Variants in NPHP3 observed in about 807,000 individuals in gnomAD.
NPHP3 encodes the protein nephrocystin-3.
In NPHP3, 123 loss-of-function variants were observed where a neutral mutation model predicts 171.9. That is an observed-to-expected ratio of 0.72 (90% CI 0.62 to 0.83). NPHP3 has a LOEUF of 0.83. NPHP3 is among the 40% of genes least tolerant of loss of function. The pLI, the probability that NPHP3 is intolerant of heterozygous loss-of-function variation, is 0.00. For missense variants in NPHP3, 1,506 were observed against 1,591.9 expected, an observed-to-expected ratio of 0.95 and a Z score of 0.92; for synonymous variants, 558 against 579.2, an observed-to-expected ratio of 0.96 and a Z score of 0.52.
intron 13 of NPHP3, among the ~76,000 whole-genome samples, chr3:132,698,651 G>A (rs760564573): frequency 3.9e-5 from 6 of 151,964 alleles, no homozygotes; most frequent in Admixed American, 2.0e-4. Context: ...TTCCCAGCCC[G>A]GCCCTTTCTC....
intron 7 of NPHP3, among the ~76,000 whole-genome samples, chr3:132,706,243 C>A (rs1253206039): frequency 1.3e-5 from 2 of 151,664 alleles, no homozygotes; most frequent in East Asian, 1.9e-4. Flanking sequence ...CCTGTAGTGC[C>A]AGCTACTCAG....
chr3:132,701,577 C>CT, intron 9 of NPHP3, 44 bp from the exon 10 acceptor site: 1 of 1,176,150 alleles, frequency 8.5e-7, no homozygotes, highest in Non-Finnish European at 1.3e-6. Flanking sequence ...GCACATGCCT[C>CT]TGAGACTACT....
intron 14 of NPHP3, 36 bp downstream of exon 14, chr3:132,697,223 GA>G: frequency 7.8e-7 from 1 of 1,288,136 alleles, no homozygotes; most frequent in Admixed American, 1.7e-5. Context: ...GGAAAGATGA[GA>G]GAGTAAAAGA....
At position 132,686,356 on chromosome 3, in the gene NPHP3, A is replaced by G; in HGVS notation, c.3233T>C (p.Leu1078Ser). The G allele has an allele frequency of 6.2e-7, 1 of 1,614,130 alleles. No homozygotes were observed. The highest frequency in any genetic ancestry group is 8.5e-7 in the Non-Finnish European group (1 of 1,179,966). ...YGFALLRRRA[L>S]QLEELTLGKD... ...ACCTAATGTAAGCTCTTCTAACTGTAAAGCCCGTCTACGTAAAAGGGCAAA... is the reference window on the plus strand; with the variant it reads ...ACCTAATGTAAGCTCTTCTAACTGTGAAGCCCGTCTACGTAAAAGGGCAAA... Residue 1078 changes from leucine to serine, a missense_variant, in exon 23 of 27, where the codon TTA becomes TCA. Physicochemically the swap from Leu to Ser is moderately radical, Grantham distance 145 (BLOSUM62 -2). Around this residue, in one of 3 missense-constraint regions of NPHP3, gnomAD observed 569 missense variants for 648.1 expected, o/e 0.88. Coordinates refer to ENST00000337331, the MANE Select transcript of NPHP3 (RefSeq NM_153240.5).
intron 16 of NPHP3, among the ~76,000 whole-genome samples, chr3:132,694,590 G>C (rs1309886856): frequency 1.3e-5 from 2 of 151,882 alleles, no homozygotes; most frequent in Non-Finnish European, 2.9e-5. Context: ...TTAAAAAATG[G>C]GTAAAGACCT....
intron 1 of NPHP3, 26 bp downstream of exon 1, chr3:132,721,937 G>C (rs773074196): frequency 3.1e-6 from 5 of 1,609,874 alleles, no homozygotes; most frequent in East Asian, 2.2e-5. Flanking sequence ...AGGGTCTCCC[G>C]GCGTCGCGGC....
intron 5 of NPHP3, 45 bp downstream of exon 5, chr3:132,715,040 C>T (rs368569631): frequency 6.8e-7 from 1 of 1,471,034 alleles, no homozygotes; most frequent in African/African-American, 1.4e-5. Context: ...ATAATATTAA[C>T]TTATATTTTA....
chr3:132,702,605 T>C (rs1036130186), intron 9 of NPHP3, among the ~76,000 whole-genome samples: 1 of 152,182 alleles, frequency 6.6e-6, no homozygotes, highest in African/African-American at 2.4e-5. Context: ...TTTAAAAAAG[T>C]GTATAGTAAG....
chr3:132,719,774 C>T lies in NPHP3; in HGVS notation c.450G>A (p.Ala150=), dbSNP rs78527322. The T allele has an allele frequency of 2.5e-3, 3,953 of 1,602,544 alleles. 48 individuals carry two copies. In the African/African-American group the frequency reaches 0.029, roughly 12 times the overall value. The stretch of plus-strand genomic sequence containing the variant: ...CTGCTCTCTCCATTGCTTGGTATTT[C>T]GCTTCTAAAGCACTTTCTTTTTCTC... ...ILREKESALE[A]KYQAMERAAT... Residue 150 remains alanine, a synonymous_variant, in exon 2 of 27, where the codon GCG becomes GCA. Coordinates refer to ENST00000337331, the MANE Select transcript of NPHP3 (RefSeq NM_153240.5).
chr3:132,684,939 C>T (rs1939118136), intron 23 of NPHP3, 145 bp from the exon 24 acceptor site: 2 of 961,582 alleles, frequency 2.1e-6, no homozygotes, highest in Non-Finnish European at 3.1e-6. Flanking sequence ...TTACTTTCCC[C>T]CTCTTCCCCA....
intron 3 of NPHP3, among the ~76,000 whole-genome samples, chr3:132,717,668 AGT>A (rs1940090186): frequency 3.3e-5 from 5 of 151,818 alleles, no homozygotes; most frequent in Admixed American, 2.0e-4. Context: ...TGTACATTTG[AGT>A]ATGTCAATAC....
Position 132,722,186 on chromosome 3 carries a change from G to A in NPHP3, c.170C>T (p.Pro57Leu), listed in dbSNP as rs376930006. The change falls in exon 1 of 27, where the codon CCC becomes CTC. Residue 57 changes from proline to leucine, a missense_variant. Pro to Leu is a moderately conservative substitution (Grantham distance 98). Transcript: ENST00000337331. ...GCCCACCCCGCGGGGCAGCGACCCG[G>A]GCCCGGCCCCTGCTGCCGCCCCCGC... ...RGAGAAAGAG[P>L]GSLPRGVGAG... 5.7e-5 allele frequency: 87 copies of A among 1,520,440 alleles called. No individual in the cohort carries two copies. Among genetic ancestry groups the A allele is most frequent in the Non-Finnish European group, 7.5e-5 (86 of 1,143,012 alleles). 94.2% of individuals were successfully genotyped at this position (1,520,440 alleles called of 1,614,324 possible).
intron 1 of NPHP3, among the ~76,000 whole-genome samples, chr3:132,721,238 G>A (rs187415865): frequency 2.2e-4 from 33 of 152,192 alleles, no homozygotes; most frequent in Non-Finnish European, 4.1e-4. Flanking sequence ...CTATTTTATT[G>A]AATTATAATG....
chr3:132,699,853 C>G, intron 12 of NPHP3, 65 bp downstream of exon 12: 6 of 1,514,726 alleles, frequency 4.0e-6, no homozygotes, highest in South Asian at 3.4e-5. Flanking sequence ...AATGCCTGCT[C>G]TAGCTATTAC....
chr3:132,692,574 C>T lies in NPHP3; in HGVS notation c.2475+80G>A. 2.5e-6 allele frequency: 3 copies of T among 1,196,944 alleles called. No individual in the cohort carries two copies. The South Asian group carries it at 3.8e-5, about 15-fold the overall frequency. The allele number at this position is 1,196,944 out of a possible 1,614,324, so 74.1% of individuals were successfully genotyped here. ...TATTCCTTTGGCAGAAATAATCTTG[C>T]CACTGCACTCCAGCCTGGGTGACAG... On this transcript the variant is annotated intron_variant, in intron 17 of 26. Coordinates refer to ENST00000337331, the MANE Select transcript of NPHP3 (RefSeq NM_153240.5).
At chr3:132,719,214 G>T in intron 2 of NPHP3, 70 bp from the exon 3 acceptor site, 1 of 1,207,306 alleles carries the variant, frequency 8.3e-7, no homozygotes, top group Non-Finnish European at 1.2e-6. Context: ...AACTTTAAGG[G>T]AAAAATATTT....
chr3:132,701,905 A>C (rs1939619289), intron 9 of NPHP3, among the ~76,000 whole-genome samples: 1 of 152,186 alleles, frequency 6.6e-6, no homozygotes, highest in Admixed American at 6.5e-5. Context: ...GGGCGCCTGT[A>C]GTCCCAGCTA....
chr3:132,691,240 G>T lies in NPHP3; in HGVS notation c.2522C>A (p.Thr841Asn). The T allele has an allele frequency of 6.2e-7, 1 of 1,613,452 alleles. No individual in the cohort carries two copies. Among genetic ancestry groups the T allele is most frequent in the Non-Finnish European group, 8.5e-7 (1 of 1,179,546 alleles). Residue 841 changes from threonine (T) to asparagine (N), a missense_variant, in exon 18 of 27, where the codon ACT becomes AAT. Around this residue, in one of 3 missense-constraint regions of NPHP3, gnomAD observed 569 missense variants for 648.1 expected, o/e 0.88. Coordinates refer to ENST00000337331, the MANE Select transcript of NPHP3 (RefSeq NM_153240.5). ...GATTAGCTTTTGCCTGTATGAAGAAGTAACAGTGGGGCCTTCCAGGTACTC... is the reference window on the plus strand; with the variant it reads ...GATTAGCTTTTGCCTGTATGAAGAATTAACAGTGGGGCCTTCCAGGTACTC... ...RLEYLEGPTV[T>N]SSYRQKLINY...
rs62292468 is a variant in NPHP3 at position 132,690,657 on chromosome 3, A to G, written c.2571-7T>C. On this transcript the variant is annotated splice_polypyrimidine_tract_variant and splice_region_variant and intron_variant, in intron 18 of 26. Coordinates refer to ENST00000337331, the MANE Select transcript of NPHP3 (RefSeq NM_153240.5). The stretch of plus-strand genomic sequence containing the variant: ...CCAAGTCACTCTGTCCTGACTATCA[A>G]AAGAGAGGAGACAATATTCAATATC... 0.04 allele frequency: 63,732 copies of G among 1,613,306 alleles called. 1,507 individuals carry two copies. The highest frequency in any genetic ancestry group is 0.048 in the Non-Finnish European group (56,064 of 1,179,276).
Sources: gnomAD v4.1 joint callset for allele counts (sites outside exome capture counted in the v4.1 genomes callset) on GRCh38, gnomAD v4.1.1 for gene constraint, gnomAD v4.1.1 regional missense constraint, MANE v1.5 for transcripts, NCBI Gene and HGNC (gene_info 2026-07-23, HGNC 2026-07-21) for gene names.